NME9: variants seen among roughly 807,000 people sequenced by gnomAD.
NME9 encodes NME/NM23 family member 9.
In NME9, 48 loss-of-function variants were observed where a neutral mutation model predicts 44.4. The observed-to-expected ratio is 1.08, with a 90% CI of 0.86 to 1.37. The LOEUF (loss-of-function observed/expected upper bound fraction) is 1.37, where lower values mean the gene tolerates loss of function less well. NME9 is among the 40% of genes most tolerant of loss of function. NME9 has a pLI of 0.00. For synonymous variants in NME9, 139 were observed against 147.1 expected (o/e 0.94, Z 0.40); for missense variants, 325 against 405.2 (o/e 0.80, Z 1.70).
intron 2 of NME9, among the ~76,000 whole-genome samples, chr3:138,322,934 G>C (rs890612514): frequency 3.3e-5 from 5 of 152,108 alleles, no homozygotes; most frequent in Non-Finnish European, 7.4e-5. Flanking sequence ...TTTTCACCTG[G>C]AGCCATGTTC....
intron 8 of NME9, among the ~76,000 whole-genome samples, chr3:138,271,018 A>G (rs2048739341): frequency 6.6e-6 from 1 of 152,200 alleles, no homozygotes; most frequent in African/African-American, 2.4e-5. Flanking sequence ...CAGGGAGGGT[A>G]AGTGAATTGT....
downstream of NME9, among the ~76,000 whole-genome samples, chr3:138,298,607 C>A (rs1014372318): frequency 2.0e-5 from 3 of 152,134 alleles, no homozygotes; most frequent in African/African-American, 7.2e-5. Flanking sequence ...CCAGCAGACC[C>A]TTCACAGGTG....
In NME9 at chr3:138,304,980, G is replaced by A. The variant is rs1369599682; in HGVS notation, c.684C>T (p.His228=). The A allele has an allele frequency of 1.2e-6, 2 of 1,614,002 alleles. No individual in the cohort carries two copies. Among genetic ancestry groups the A allele is most frequent in the Admixed American group, 1.7e-5 (1 of 60,002 alleles). ...LVHHMCSGPS[H]LLILTRTEGF... ...CCTCAGTCCTGGTGAGGATCAGGAGGTGGCTTGGTCCACTGCACATGTGAT... is the reference window on the plus strand; with the variant it reads ...CCTCAGTCCTGGTGAGGATCAGGAGATGGCTTGGTCCACTGCACATGTGAT... The change falls in exon 9 of 11, where the codon CAC becomes CAT. Residue 228 remains histidine (H), a synonymous_variant. Transcript: ENST00000333911.
At chr3:138,261,718 A>G (rs1363495487) in exon 9 of NME9, 1 of 152,208 alleles carries the variant, frequency 6.6e-6, no homozygotes, top group East Asian at 1.9e-4. Context: ...GAGAGGTAGG[A>G]CAGAGTAAAG....
intron 8 of NME9, among the ~76,000 whole-genome samples, chr3:138,264,990 C>T (rs2048137616): frequency 6.6e-6 from 1 of 151,990 alleles, no homozygotes; most frequent in East Asian, 1.9e-4. Context: ...CTTGTGCCCC[C>T]CGGCCCAAGT....
intron 8 of NME9, among the ~76,000 whole-genome samples, chr3:138,289,848 C>CT: frequency 6.6e-6 from 1 of 152,270 alleles, no homozygotes; most frequent in East Asian, 1.9e-4. Context: ...TTCTGATTCA[C>CT]TGAGTCTAGA....
chr3:138,329,169 C>T, intron 1 of NME9, 134 bp downstream of exon 1: 1 of 778,182 alleles, frequency 1.3e-6, no homozygotes, highest in Non-Finnish European at 2.0e-6. Flanking sequence ...AAGGGTACAT[C>T]ACTCAAGTTT....
intron 8 of NME9, among the ~76,000 whole-genome samples, chr3:138,286,095 C>G (rs1040115451): frequency 6.6e-6 from 1 of 152,110 alleles, no homozygotes; most frequent in African/African-American, 2.4e-5. Flanking sequence ...AGGCGCGGCA[C>G]TATTGCCCGG....
rs754034061 is a variant in NME9 at position 138,306,083 on chromosome 3, C to T, written c.557G>A (p.Gly186Glu). Reference sequence around the variant, plus strand: ...CTCTTCATTTGTTAGAATTTCAAACCCAGCTTCCTGAATCTGTAGAATATA... The same window carrying T: ...CTCTTCATTTGTTAGAATTTCAAACTCAGCTTCCTGAATCTGTAGAATATA... ...DEIIMKIQEAGFEILTNEERT... is the reference protein window; with the variant it reads ...DEIIMKIQEAEFEILTNEERT... Residue 186 changes from glycine to glutamate, a missense_variant, in exon 8 of 11, where the codon GGG becomes GAG. Gly to Glu is a moderately conservative substitution (Grantham distance 98). Transcript: ENST00000333911. 1 of 1,610,266 alleles carries T rather than the reference C, an allele frequency of 6.2e-7. No homozygotes were observed. Among genetic ancestry groups the T allele is most frequent in the Non-Finnish European group, 8.5e-7 (1 of 1,176,486 alleles).
At chr3:138,306,354 A>T in intron 7 of NME9, 44 bp downstream of exon 7, 1 of 1,401,456 alleles carries the variant, frequency 7.1e-7, no homozygotes, top group African/African-American at 1.4e-5. Context: ...TCCACAAAAG[A>T]GGACACAAGG....
chr3:138,293,554 A>G (rs528018065), intron 8 of NME9, among the ~76,000 whole-genome samples: 1 of 151,768 alleles, frequency 6.6e-6, no homozygotes, highest in South Asian at 2.1e-4. Context: ...AAAAGAAAAG[A>G]GGAAGAAGAA....
At chr3:138,292,601 T>TCG (rs2051071024) in intron 8 of NME9, among the ~76,000 whole-genome samples, 1 of 152,180 alleles carries the variant, frequency 6.6e-6, no homozygotes, top group Admixed American at 6.5e-5. Context: ...CCTGAGCAAC[T>TCG]GGACAGAGGG....
chr3:138,306,841 C>G lies in NME9; in HGVS notation c.461-361G>C, dbSNP rs533101253. On this transcript the variant is annotated intron_variant, in intron 6 of 10. Coordinates refer to ENST00000333911, the MANE Select transcript of NME9 (RefSeq NM_001349018.2). ...CCAGAAACAACTGAATTGAGTTGGC[C>G]TGGGGAGTGGGAAGAAGAGGAGGTA... 1.5e-3 allele frequency among the ~76,000 whole-genome samples: 222 copies of G among 152,288 alleles called. 2 individuals carry two copies. Among genetic ancestry groups the G allele is most frequent in the Middle Eastern group, 3.4e-3 (1 of 294 alleles).
At chr3:138,272,503 T>C (rs1342735693) in intron 8 of NME9, among the ~76,000 whole-genome samples, 1 of 152,134 alleles carries the variant, frequency 6.6e-6, no homozygotes, top group African/African-American at 2.4e-5. Flanking sequence ...CGGACAGAAA[T>C]ATAGGTGATT....
At chr3:138,305,546 C>T (rs2052186437) in intron 8 of NME9, among the ~76,000 whole-genome samples, 2 of 152,172 alleles carry the variant, frequency 1.3e-5, no homozygotes, top group South Asian at 4.1e-4. Flanking sequence ...CACACACACA[C>T]ACCCCTGACC....
At chr3:138,273,755 A>G (rs1017877108) in intron 8 of NME9, among the ~76,000 whole-genome samples, 1 of 151,696 alleles carries the variant, frequency 6.6e-6, no homozygotes, top group Admixed American at 6.6e-5. Flanking sequence ...GTATTAGGAA[A>G]TCTACACTGT....
intron 2 of NME9, among the ~76,000 whole-genome samples, chr3:138,320,944 ACTT>A (rs1323296629): frequency 6.6e-6 from 1 of 152,228 alleles, no homozygotes; most frequent in East Asian, 1.9e-4. Flanking sequence ...AATATCTTGG[ACTT>A]GCCTGCATCC....
intron 6 of NME9, among the ~76,000 whole-genome samples, chr3:138,309,885 G>T (rs2052568687): frequency 6.6e-6 from 1 of 152,018 alleles, no homozygotes; most frequent in Non-Finnish European, 1.5e-5. Context: ...AAATTAGCCA[G>T]GTGTGGTGGT....
intron 8 of NME9, among the ~76,000 whole-genome samples, chr3:138,269,272 C>T (rs1354797962): frequency 2.6e-5 from 4 of 152,098 alleles, no homozygotes; most frequent in African/African-American, 4.8e-5. Context: ...TTGCTTCTGA[C>T]GTTTCTATAA....
Sources: allele counts gnomAD v4.1 joint callset (sites outside exome capture counted in the v4.1 genomes callset), GRCh38; gene constraint gnomAD v4.1.1; transcripts MANE v1.5; gene names NCBI Gene and HGNC (gene_info 2026-07-23, HGNC 2026-07-21).